Variants in LIMCH1 observed in about 807,000 individuals in gnomAD.
LIMCH1 encodes LIM and calponin homology domains-containing protein 1.
Under a neutral mutation model 176.5 loss-of-function variants are expected in LIMCH1, and 113 were observed. That is an observed-to-expected ratio of 0.64 (90% confidence interval 0.55 to 0.75). LIMCH1 has a LOEUF of 0.75. LIMCH1 is among the 30% of genes least tolerant of loss of function. LIMCH1 has a pLI of 0.00. For synonymous variants in LIMCH1, 619 were observed against 645.9 expected, an observed-to-expected ratio of 0.96 and a Z score of 0.63; for missense variants, 1,674 against 1,814.9, an observed-to-expected ratio of 0.92 and a Z score of 1.41.
intron 10 of LIMCH1, among the ~76,000 whole-genome samples, chr4:41,632,177 C>T (rs572659227): frequency 1.3e-5 from 2 of 152,290 alleles, no homozygotes; most frequent in East Asian, 3.9e-4. Flanking sequence ...TTCCAGGAAA[C>T]ACATATAGGA....
At chr4:41,635,329 G>A (rs1219433271) in intron 13 of LIMCH1, among the ~76,000 whole-genome samples, 1 of 151,746 alleles carries the variant, frequency 6.6e-6, no homozygotes, top group Non-Finnish European at 1.5e-5. Flanking sequence ...GCCCATTCAA[G>A]CGATTCTTAT....
intron 1 of LIMCH1, among the ~76,000 whole-genome samples, chr4:41,458,971 T>C (rs2064970939): frequency 2.0e-5 from 3 of 152,110 alleles, no homozygotes; most frequent in Non-Finnish European, 4.4e-5. Context: ...CTGCTGAAGT[T>C]GCTCTCTAAG....
At chr4:41,411,925 A>G (rs1368875024) in intron 1 of LIMCH1, among the ~76,000 whole-genome samples, 2 of 140,058 alleles carry the variant, frequency 1.4e-5, no homozygotes, top group East Asian at 2.2e-4. Context: ...GCACTGCACT[A>G]CAGCCTAGGC....
chr4:41,666,520 G>A (rs1353578404), intron 20 of LIMCH1, 41 bp from the exon 21 acceptor site: 6 of 1,260,252 alleles, frequency 4.8e-6, no homozygotes, highest in Non-Finnish European at 7.0e-6. Context: ...TTTATCAATG[G>A]ACAGTTCTTG....
chr4:41,541,544 AC>A (rs1480377297), intron 1 of LIMCH1, among the ~76,000 whole-genome samples: 1 of 152,096 alleles, frequency 6.6e-6, no homozygotes, highest in Non-Finnish European at 1.5e-5. Flanking sequence ...CCGTTTCCTC[AC>A]CTTTGCCAGA....
chr4:41,581,100 ATCTG>A lies in LIMCH1; in HGVS notation c.-240-17808_-240-17805del, dbSNP rs754039100. Reference sequence around the variant, plus strand: ...AAACTGTCTGTCTGTCTGTCCATTCATCTGTCTGTCTGTCTATCTATCTATCTAT... The same window carrying A: ...AAACTGTCTGTCTGTCTGTCCATTCATCTGTCTGTCTATCTATCTATCTAT... On this transcript the variant is annotated intron_variant, in intron 1 of 31. Coordinates refer to ENST00000503057, the MANE Select transcript of LIMCH1 (RefSeq NM_001330672.2). Among the ~76,000 whole-genome samples, 409 of 144,798 alleles carry A rather than the reference ATCTG, an allele frequency of 2.8e-3. 1 individual carries two copies. The highest frequency in any genetic ancestry group is 4.2e-3 in the Non-Finnish European group (279 of 66,580). 95.0% of individuals were successfully genotyped at this position (144,798 alleles called of 152,430 possible). A position where few individuals can be genotyped will look rare whatever the true frequency, so the allele number is the denominator to read the frequency against.
In LIMCH1 at chr4:41,571,482, T is replaced by C. The variant is rs138974547; in HGVS notation, c.-240-27438T>C. Among the ~76,000 whole-genome samples, 290 of 151,854 alleles carry C rather than the reference T, an allele frequency of 1.9e-3. 1 individual carries two copies. The Middle Eastern group carries it at 0.045, about 23-fold the overall frequency. On this transcript the variant is annotated intron_variant, in intron 1 of 31. Coordinates refer to ENST00000503057, the MANE Select transcript of LIMCH1 (RefSeq NM_001330672.2). The stretch of plus-strand genomic sequence containing the variant: ...GATGTCTGAGAGTAAGTGGGAGGGG[T>C]GTCACAGAGAGAATATGAAGAGAGA...
intron 1 of LIMCH1, among the ~76,000 whole-genome samples, chr4:41,374,845 A>G (rs578255477): frequency 6.6e-6 from 1 of 152,302 alleles, no homozygotes; most frequent in African/African-American, 2.4e-5. Context: ...CTTTTCCACT[A>G]AAGGCTGGCT....
chr4:41,537,767 A>C (rs1336468962), upstream of LIMCH1, among the ~76,000 whole-genome samples: 1 of 152,232 alleles, frequency 6.6e-6, no homozygotes, highest in Non-Finnish European at 1.5e-5. Context: ...TATTATGCTC[A>C]TGAACATTAG....
At chr4:41,359,724 G>C (rs2051775301), upstream of LIMCH1, 1 of 152,088 alleles carries the variant, frequency 6.6e-6, no homozygotes, top group East Asian at 1.9e-4. Context: ...TGCAGGAAGG[G>C]ACGAGATAAA....
At chr4:41,440,443 G>A (rs2062577052) in intron 1 of LIMCH1, among the ~76,000 whole-genome samples, 1 of 152,092 alleles carries the variant, frequency 6.6e-6, no homozygotes, top group Admixed American at 6.6e-5. Flanking sequence ...GTCCCCAAAT[G>A]GTACCATTGG....
At chr4:41,404,927 A>G (rs2058810797) in intron 1 of LIMCH1, among the ~76,000 whole-genome samples, 1 of 152,162 alleles carries the variant, frequency 6.6e-6, no homozygotes, top group African/African-American at 2.4e-5. Flanking sequence ...TCACATATCA[A>G]GTACATGATG....
chr4:41,457,059 A>G (rs775531403), intron 1 of LIMCH1, among the ~76,000 whole-genome samples: 2 of 152,124 alleles, frequency 1.3e-5, no homozygotes, highest in Non-Finnish European at 2.9e-5. Context: ...GGCATATCAA[A>G]CCTGAAAATT....
intron 1 of LIMCH1, among the ~76,000 whole-genome samples, chr4:41,579,038 A>G (rs2084961710): frequency 6.9e-6 from 1 of 145,658 alleles, no homozygotes; most frequent in African/African-American, 2.8e-5. Context: ...CTAACAGAAG[A>G]AAAATGTGTG....
chr4:41,368,890 G>A (rs1442878221), intron 1 of LIMCH1, among the ~76,000 whole-genome samples: 4 of 152,158 alleles, frequency 2.6e-5, no homozygotes, highest in African/African-American at 4.8e-5. Flanking sequence ...CTAGACTCTG[G>A]ATTAAAATTC....
intron 1 of LIMCH1, among the ~76,000 whole-genome samples, chr4:41,586,079 T>TCCTCC (rs1470471948): frequency 1.2e-5 from 1 of 86,338 alleles, no homozygotes; most frequent in Non-Finnish European, 2.3e-5. Context: ...CCGCTCCCTC[T>TCCTCC]CCTCCCCTCC....
chr4:41,431,445 T>C (rs2061600554), intron 1 of LIMCH1, among the ~76,000 whole-genome samples: 1 of 152,238 alleles, frequency 6.6e-6, no homozygotes, highest in Admixed American at 6.5e-5. Context: ...GTATATGGTT[T>C]ATATAAAATG....
chr4:41,418,062 G>A (rs2060097446), intron 1 of LIMCH1, among the ~76,000 whole-genome samples: 1 of 152,196 alleles, frequency 6.6e-6, no homozygotes, highest in Admixed American at 6.5e-5. Flanking sequence ...AAACAAAAGA[G>A]AGCTGCCCCT....
intron 1 of LIMCH1, among the ~76,000 whole-genome samples, chr4:41,446,437 T>C (rs2063301845): frequency 6.6e-6 from 1 of 152,200 alleles, no homozygotes; most frequent in South Asian, 2.1e-4. Flanking sequence ...ATATACGTAG[T>C]TAATGGAACC....
Sources: allele counts gnomAD v4.1 joint callset (sites outside exome capture counted in the v4.1 genomes callset), GRCh38; gene constraint gnomAD v4.1.1; transcripts MANE v1.5; gene names NCBI Gene and HGNC (gene_info 2026-07-23, HGNC 2026-07-21).